MORN1: variants seen among roughly 807,000 people sequenced by gnomAD.
MORN1 encodes MORN repeat containing 1.
Under a neutral mutation model 61.9 loss-of-function variants are expected in MORN1, and 67 were observed. The observed-to-expected ratio is 1.08, with a 90% CI of 0.89 to 1.33. The LOEUF is 1.33. MORN1 is among the 40% of genes most tolerant of loss of function. MORN1 has a pLI of 0.00. For synonymous variants in MORN1, 301 were observed against 292.0 expected (o/e 1.03, Z -0.31); for missense variants, 752 against 691.2 (o/e 1.09, Z -0.99).
chr1:2,385,704 G>T, intron 5 of MORN1, 103 bp downstream of exon 5: 1 of 1,056,312 alleles, frequency 9.5e-7, no homozygotes, highest in Non-Finnish European at 1.5e-6. Context: ...ACAGGCCCGG[G>T]GTGTCCCATG....
At chr1:2,363,120 A>G (rs1318635770) in intron 8 of MORN1, 1 of 152,134 alleles carries the variant, frequency 6.6e-6, no homozygotes, top group African/African-American at 2.4e-5. Context: ...AATAAAAATA[A>G]CAACGTATTA....
chr1:2,388,098 G>C, intron 3 of MORN1, 141 bp downstream of exon 3: 1 of 647,778 alleles, frequency 1.5e-6, no homozygotes, highest in African/African-American at 1.8e-5. Flanking sequence ...CAGGTCCCCA[G>C]GGCTTCTCGG....
chr1:2,390,328 T>C, intron 1 of MORN1: 2 of 795,746 alleles, frequency 2.5e-6, no homozygotes, highest in Non-Finnish European at 3.0e-6. Context: ...GGGAGCCTTG[T>C]TGCAGGAGAT....
intron 8 of MORN1, among the ~76,000 whole-genome samples, chr1:2,362,009 G>C (rs916550411): frequency 6.6e-6 from 1 of 152,154 alleles, no homozygotes; most frequent in Non-Finnish European, 1.5e-5. Context: ...TGAGGCAGGC[G>C]GATCACAAGG....
In MORN1 at chr1:2,381,532, G is replaced by A. The variant is rs367545776; in HGVS notation, c.537+3446C>T. 4.7e-4 allele frequency among the ~76,000 whole-genome samples: 71 copies of A among 152,302 alleles called. No homozygotes were observed. In the Middle Eastern group the frequency reaches 0.017, roughly 36 times the overall value. On this transcript the variant is annotated intron_variant, in intron 6 of 13. Coordinates refer to ENST00000378531, the MANE Select transcript of MORN1 (RefSeq NM_024848.3). ...GGGGAGGGTGTGCGGGCCTCGGTTG[G>A]CAGGCGGTCCCAGGGCCTGCCCAGG...
At position 2,321,399 on chromosome 1, in the gene MORN1, G is replaced by C. The variant is rs981510033; in HGVS notation, c.1478C>G (p.Pro493Arg). 6.5e-7 allele frequency: 1 copy of C among 1,529,032 alleles called. No homozygotes were observed. The highest frequency in any genetic ancestry group is 1.4e-5 in the African/African-American group (1 of 71,596). 94.7% of individuals were successfully genotyped at this position (1,529,032 alleles called of 1,614,324 possible). A position where few individuals can be genotyped will look rare whatever the true frequency, so the allele number is the denominator to read the frequency against. The change falls in exon 14 of 14, where the codon CCG (proline) becomes CGG (arginine). Residue 493 changes from proline (P) to arginine (R), a missense_variant. Physicochemically the swap from Pro to Arg is moderately radical, Grantham distance 103. Transcript: ENST00000378531. ...WQAAHSCTPEPPAPR is the reference protein window; with the variant it reads ...WQAAHSCTPERPAPR ...CACGGGGCCTCACCGAGGCGCTGGC[G>C]GCTCTGGGGTGCAGCTGTGGGCGGC... is the stretch of plus-strand genomic sequence containing the variant.
intron 10 of MORN1, among the ~76,000 whole-genome samples, chr1:2,346,111 G>T (rs61762093): frequency 1.4e-5 from 2 of 146,766 alleles, no homozygotes; most frequent in Non-Finnish European, 3.0e-5. Context: ...ACCTTCCTCA[G>T]ACAAAGCCAC....
At chr1:2,355,377 T>C in intron 10 of MORN1, 10 of 1,546,754 alleles carry the variant, frequency 6.5e-6, no homozygotes, top group Non-Finnish European at 8.7e-6. Context: ...GCATGCTCTT[T>C]TATATGATGA....
At chr1:2,322,954 GGGCCTC>G in intron 13 of MORN1, 1 of 985,438 alleles carries the variant, frequency 1.0e-6, no homozygotes, top group South Asian at 4.7e-5. Flanking sequence ...CTCTCACTTA[GGGCCTC>G]GGCCATACGT....
intron 8 of MORN1, among the ~76,000 whole-genome samples, chr1:2,363,820 A>ATATATT (rs1641946984): frequency 7.1e-6 from 1 of 140,840 alleles, no homozygotes; most frequent in South Asian, 2.2e-4. Flanking sequence ...AAATATATAT[A>ATATATT]TATATAAAAA....
intron 2 of MORN1, among the ~76,000 whole-genome samples, chr1:2,389,372 G>C (rs1232417101): frequency 6.6e-6 from 1 of 152,166 alleles, no homozygotes; most frequent in Non-Finnish European, 1.5e-5. Context: ...GTGTTCAAGG[G>C]ATTCTCCTGG....
At chr1:2,380,080 G>A (rs915271459) in intron 6 of MORN1, among the ~76,000 whole-genome samples, 3 of 152,200 alleles carry the variant, frequency 2.0e-5, no homozygotes, top group Admixed American at 6.5e-5. Flanking sequence ...AGGAGGAGCT[G>A]GCACAGGCTC....
intron 10 of MORN1, among the ~76,000 whole-genome samples, chr1:2,348,720 G>GGCACGCACGCACACACAC (rs1553212650): frequency 1.6e-5 from 2 of 124,146 alleles, no homozygotes; most frequent in African/African-American, 6.2e-5. Context: ...CACCTGCGCG[G>GGCACGCACGCACACACAC]GCACGCACAC....
At chr1:2,390,918 T>C (rs1642640441) in intron 1 of MORN1, among the ~76,000 whole-genome samples, 1 of 152,156 alleles carries the variant, frequency 6.6e-6, no homozygotes, top group South Asian at 2.1e-4. Flanking sequence ...CCAATTTTTG[T>C]ATTTTTTAGT....
At chr1:2,323,248 G>T (rs1017994119) in intron 13 of MORN1, 1 of 985,256 alleles carries the variant, frequency 1.0e-6, no homozygotes, top group African/African-American at 1.7e-5. Flanking sequence ...TACAGCCCCG[G>T]CCACACGGGT....
intron 8 of MORN1, among the ~76,000 whole-genome samples, chr1:2,367,306 C>A (rs1455838739): frequency 3.8e-5 from 5 of 132,804 alleles, no homozygotes; most frequent in Non-Finnish European, 3.2e-5. Context: ...ATTGCTCTAT[C>A]AAAAAAAAAA....
At position 2,334,573 on chromosome 1, in the gene MORN1, G is replaced by A. The variant is rs1045648565; in HGVS notation, c.1250+1896C>T. 1.4e-4 allele frequency among the ~76,000 whole-genome samples: 22 copies of A among 152,150 alleles called. No individual in the cohort carries two copies. The highest frequency in any genetic ancestry group is 1.6e-4 in the Non-Finnish European group (11 of 68,024). On this transcript the variant is annotated intron_variant, in intron 12 of 13. Coordinates refer to ENST00000378531, the MANE Select transcript of MORN1 (RefSeq NM_024848.3). The surrounding 1 kb of genome is among the most constrained non-coding windows in gnomAD (Gnocchi z 5.4). Reference sequence around the variant, plus strand: ...TTTGGGCTGCCTGTCCCAACACGACGAGAGGGCCCTGGCTGTGTGGCCGTG... The same window carrying A: ...TTTGGGCTGCCTGTCCCAACACGACAAGAGGGCCCTGGCTGTGTGGCCGTG...
intron 8 of MORN1, among the ~76,000 whole-genome samples, chr1:2,365,057 G>T (rs1369009905): frequency 6.6e-6 from 1 of 151,968 alleles, no homozygotes; most frequent in Non-Finnish European, 1.5e-5. Flanking sequence ...CTTTTTTGGT[G>T]CCATATGAAC....
Position 2,324,158 on chromosome 1 carries a change from C to G in MORN1, c.1251-15G>C. ...TCCCCTCAGGCCTGTGGAGACGACACAGTGAGGCCCCTGAATGCCCTGCCT... is the reference window on the plus strand; with the variant it reads ...TCCCCTCAGGCCTGTGGAGACGACAGAGTGAGGCCCCTGAATGCCCTGCCT... On this transcript the variant is annotated splice_polypyrimidine_tract_variant and intron_variant, in intron 12 of 13. Coordinates refer to ENST00000378531, the MANE Select transcript of MORN1 (RefSeq NM_024848.3). 6.3e-7 allele frequency: 1 copy of G among 1,592,564 alleles called. No homozygotes were observed. The highest frequency in any genetic ancestry group is 8.5e-7 in the Non-Finnish European group (1 of 1,170,800).
Sources: allele counts gnomAD v4.1 joint callset (sites outside exome capture counted in the v4.1 genomes callset), GRCh38; gene constraint gnomAD v4.1.1; non-coding constraint Gnocchi (gnomAD v3.1); transcripts MANE v1.5; gene names NCBI Gene and HGNC (gene_info 2026-07-23, HGNC 2026-07-21).